The following DIP2C variants were observed in gnomAD, a reference collection of about 807,000 sequenced individuals.
DIP2C encodes disco-interacting protein 2 homolog C.
DIP2C carries 33 observed loss-of-function variants against 192.4 expected under a neutral mutation model. That is an observed-to-expected ratio of 0.17 (90% CI 0.13 to 0.23). DIP2C has a LOEUF of 0.23. Ranked by LOEUF, DIP2C falls within the 10% of genes least tolerant of loss-of-function variation. The probability of loss-of-function intolerance (pLI) is 1.00; values close to 1 mark genes in which losing one functional copy is unlikely to be tolerated. For synonymous variants in DIP2C, 979 were observed against 864.1 expected (o/e 1.13, Z -2.33); for missense variants, 1,537 against 2,110.1 (o/e 0.73, Z 5.32).
At chr10:674,809 G>T (rs1334780329) in intron 1 of DIP2C, among the ~76,000 whole-genome samples, 60 of 139,358 alleles carry the variant, frequency 4.3e-4, no homozygotes, top group Non-Finnish European at 7.5e-4. Flanking sequence ...GAGAGAGAGA[G>T]AGAGAGAGAG....
chr10:399,419 G>A (rs1211395574), intron 9 of DIP2C, among the ~76,000 whole-genome samples, 200 bp from the exon 10 acceptor site: 3 of 152,176 alleles, frequency 2.0e-5, no homozygotes, highest in African/African-American at 7.2e-5. Context: ...GTGAACAGTC[G>A]TCTATGATAC....
chr10:534,081 T>C (rs1387928681), intron 1 of DIP2C, among the ~76,000 whole-genome samples: 1 of 151,848 alleles, frequency 6.6e-6, no homozygotes, highest in Non-Finnish European at 1.5e-5. Flanking sequence ...GATGGTCAAC[T>C]GGGACGAGGA....
At chr10:528,900 A>G (rs1847216520) in intron 1 of DIP2C, among the ~76,000 whole-genome samples, 2 of 152,356 alleles carry the variant, frequency 1.3e-5, no homozygotes, top group South Asian at 4.1e-4. Flanking sequence ...CTAGGTCCCC[A>G]CATGAACAGA....
intron 1 of DIP2C, among the ~76,000 whole-genome samples, chr10:657,611 T>A (rs547727214): frequency 2.3e-4 from 7 of 30,536 alleles, no homozygotes; most frequent in South Asian, 2.8e-3. Flanking sequence ...CTGGACCTGA[T>A]GCTGGACCTG....
intron 17 of DIP2C, among the ~76,000 whole-genome samples, chr10:374,304 C>G (rs1307096117): frequency 6.6e-6 from 1 of 152,096 alleles, no homozygotes; most frequent in African/African-American, 2.4e-5. Context: ...TTTAAGAAGA[C>G]CTAAATATCC....
chr10:409,166 G>A (rs1392405823), intron 8 of DIP2C, 149 bp from the exon 9 acceptor site: 1 of 640,756 alleles, frequency 1.6e-6, no homozygotes. Context: ...GAGCAAAGGG[G>A]GAACTGGTAG....
At chr10:578,890 A>G (rs891092999) in intron 1 of DIP2C, among the ~76,000 whole-genome samples, 1 of 152,128 alleles carries the variant, frequency 6.6e-6, no homozygotes, top group African/African-American at 2.4e-5. Context: ...TGCATAGAGC[A>G]TACACACATC....
At chr10:336,755 G>A (rs924869522) in intron 29 of DIP2C, among the ~76,000 whole-genome samples, 5 of 152,180 alleles carry the variant, frequency 3.3e-5, no homozygotes, top group African/African-American at 1.2e-4. Context: ...TGTCCCTGAA[G>A]GCCCTCCAGT....
chr10:613,140 A>G (rs562021922), intron 1 of DIP2C, among the ~76,000 whole-genome samples: 1 of 152,348 alleles, frequency 6.6e-6, no homozygotes, highest in African/African-American at 2.4e-5. Flanking sequence ...ACAGTCACTC[A>G]TTTCAGGGGA....
At chr10:559,392 G>C (rs1371947036) in intron 1 of DIP2C, among the ~76,000 whole-genome samples, 3 of 151,858 alleles carry the variant, frequency 2.0e-5, no homozygotes, top group African/African-American at 7.3e-5. Context: ...CACACAGTCG[G>C]CATCAGCCAC....
At chr10:394,748 A>G (rs1963829434) in intron 10 of DIP2C, among the ~76,000 whole-genome samples, 1 of 147,738 alleles carries the variant, frequency 6.8e-6, no homozygotes, top group Non-Finnish European at 1.5e-5. Context: ...TTCAGGGAGG[A>G]GGGAAGCCTG....
chr10:650,714 G>A, intron 1 of DIP2C: 1 of 626,444 alleles, frequency 1.6e-6, no homozygotes, highest in Admixed American at 2.7e-5. Context: ...TCTGGCCAGA[G>A]TGCTCTGGGC....
At chr10:507,468 G>T (rs1845691483) in intron 1 of DIP2C, among the ~76,000 whole-genome samples, 2 of 151,624 alleles carry the variant, frequency 1.3e-5, no homozygotes, top group African/African-American at 4.9e-5. Flanking sequence ...TGAGGTTACG[G>T]ACTTGGTCAC....
At chr10:326,975 C>T (rs1196583723) in intron 31 of DIP2C, 31 bp downstream of exon 31, 3 of 1,591,246 alleles carry the variant, frequency 1.9e-6, no homozygotes, top group South Asian at 1.2e-5. Context: ...CCACACTTCC[C>T]ACTCAGCACT....
intron 5 of DIP2C, among the ~76,000 whole-genome samples, chr10:419,896 AGT>A (rs902504048): frequency 6.6e-6 from 1 of 152,212 alleles, no homozygotes; most frequent in African/African-American, 2.4e-5. Flanking sequence ...CTGGAGATAA[AGT>A]TAAGCCGTAC....
chr10:642,107 G>A (rs1045032878), intron 1 of DIP2C, among the ~76,000 whole-genome samples: 2 of 152,166 alleles, frequency 1.3e-5, no homozygotes, highest in African/African-American at 4.8e-5. Flanking sequence ...TTCCAGATAT[G>A]ATGAAGGAAA....
chr10:578,358 C>T (rs946059569), intron 1 of DIP2C, among the ~76,000 whole-genome samples: 7 of 152,312 alleles, frequency 4.6e-5, no homozygotes, highest in South Asian at 2.1e-4. Context: ...TGAGTGGCGA[C>T]TTCTCATTTA....
chr10:627,726 G>C (rs1164257105), intron 1 of DIP2C, among the ~76,000 whole-genome samples: 2 of 152,288 alleles, frequency 1.3e-5, no homozygotes, highest in East Asian at 1.9e-4. Flanking sequence ...GCACGCAAGA[G>C]CGAGGCTGCG....
At chr10:592,079 TCAA>T (rs1341373004) in intron 1 of DIP2C, among the ~76,000 whole-genome samples, 2 of 152,224 alleles carry the variant, frequency 1.3e-5, no homozygotes, top group African/African-American at 4.8e-5. Context: ...TCTGGGGTAT[TCAA>T]CAAGAGGTTT....
Sources: gnomAD v4.1 joint callset for allele counts (sites outside exome capture counted in the v4.1 genomes callset) on GRCh38, gnomAD v4.1.1 for gene constraint, MANE v1.5 for transcripts, NCBI Gene and HGNC (gene_info 2026-07-23, HGNC 2026-07-21) for gene names.